The following LSM5 variants were observed in gnomAD, a reference collection of about 807,000 sequenced individuals.
The protein encoded by LSM5 is LSM5 homolog, U6 small nuclear RNA and mRNA degradation associated.
In LSM5, 8 loss-of-function variants were observed where a neutral mutation model predicts 13.8. The observed-to-expected ratio is 0.58, with a 90% CI of 0.34 to 1.04. LSM5 has a LOEUF of 1.04. Among genes scored for constraint, LSM5 ranks in the 50% least tolerant of loss-of-function variants. LSM5 has a pLI of 0.03. For missense variants in LSM5, 80 were observed against 108.1 expected, an observed-to-expected ratio of 0.74 and a Z score of 1.15; for synonymous variants, 35 against 37.0, an observed-to-expected ratio of 0.95 and a Z score of 0.20.
intron 1 of LSM5, chr7:32,490,017 C>T: frequency 1.5e-6 from 2 of 1,351,030 alleles, no homozygotes; most frequent in Non-Finnish European, 1.9e-6. Context: ...GAGAAGTAGG[C>T]CTACTACCTA....
At chr7:32,490,078 T>A in intron 1 of LSM5, 1 of 1,493,062 alleles carries the variant, frequency 6.7e-7, no homozygotes, top group Non-Finnish European at 9.0e-7. Context: ...ACGCGTTCAC[T>A]AAATGTGGAC....
At chr7:32,488,873 C>A (rs1017626428) in intron 2 of LSM5, among the ~76,000 whole-genome samples, 19 of 152,158 alleles carry the variant, frequency 1.2e-4, no homozygotes, top group Non-Finnish European at 2.5e-4. Flanking sequence ...CACAGGTGTA[C>A]ATCACCATGC....
rs553970200 is a variant in LSM5 at position 32,486,396 on chromosome 7, C to T, written c.*865G>A. ...ACTGAGAGTGGACTGAGAAAGTCTA[C>T]GAAGACATACAGCAAAGCATGATCA... is the stretch of plus-strand genomic sequence containing the variant. On this transcript the variant is annotated 3_prime_UTR_variant, in exon 5 of 5. Coordinates refer to ENST00000450169, the MANE Select transcript of LSM5 (RefSeq NM_012322.3). 2.0e-4 allele frequency: 31 copies of T among 152,222 alleles called. No individual in the cohort carries two copies. Among genetic ancestry groups the T allele is most frequent in the African/African-American group, 6.7e-4 (28 of 41,538 alleles). The allele number at this position is 152,222 out of a possible 1,614,324, so 9.4% of individuals were successfully genotyped here. A position where few individuals can be genotyped will look rare whatever the true frequency, so the allele number is the denominator to read the frequency against.
At chr7:32,488,008 C>A in intron 3 of LSM5, 1 of 420,378 alleles carries the variant, frequency 2.4e-6, no homozygotes, top group Non-Finnish European at 4.3e-6. Context: ...GAAGTGAAAG[C>A]TTGCCCAGGA....
chr7:32,491,027 G>A (rs1786571422), upstream of LSM5, among the ~76,000 whole-genome samples: 1 of 152,258 alleles, frequency 6.6e-6, no homozygotes, highest in Admixed American at 6.5e-5. Flanking sequence ...GTAAAATCAT[G>A]CTTTCCACTT....
chr7:32,490,504 A>C, upstream of LSM5: 3 of 674,508 alleles, frequency 4.4e-6, no homozygotes, highest in South Asian at 5.2e-5. Flanking sequence ...GGTCGCGTTC[A>C]CTGGCTTTTT....
upstream of LSM5, chr7:32,495,235 G>A (rs1239273530): frequency 1.9e-5 from 3 of 155,250 alleles, no homozygotes; most frequent in African/African-American, 4.8e-5. Flanking sequence ...CGCACCTCCA[G>A]GTCCCGCGGA....
intron 4 of LSM5, 60 bp from the exon 5 acceptor site, chr7:32,487,353 C>T (rs1457442814): frequency 4.1e-6 from 6 of 1,471,446 alleles, no homozygotes; most frequent in Non-Finnish European, 5.7e-6. Flanking sequence ...CTAAAAACCC[C>T]TTGCTCTTCA....
chr7:32,490,108 G>C (rs760847288), intron 1 of LSM5: 1 of 1,525,796 alleles, frequency 6.6e-7, no homozygotes, highest in South Asian at 1.2e-5. Flanking sequence ...TGAAGGTCTG[G>C]TTTGAGAAGT....
chr7:32,490,606 G>A, upstream of LSM5: 1 of 558,536 alleles, frequency 1.8e-6, no homozygotes, highest in East Asian at 3.1e-5. Context: ...AAGTTTTGGA[G>A]AGACGTTGAA....
At chr7:32,494,674 T>C (rs1225487297), upstream of LSM5, among the ~76,000 whole-genome samples, 4 of 152,202 alleles carry the variant, frequency 2.6e-5, no homozygotes, top group African/African-American at 9.6e-5. Flanking sequence ...TAAAAAAGAA[T>C]TGTAGTACAA....
upstream of LSM5, among the ~76,000 whole-genome samples, chr7:32,492,473 A>G (rs956675236): frequency 9.9e-4 from 151 of 152,160 alleles, 5 homozygotes; most frequent in Admixed American, 3.3e-4. Context: ...CAGTGAGCCA[A>G]TCGTGCCACT....
At chr7:32,489,755 G>C (rs572791695) in intron 1 of LSM5, among the ~76,000 whole-genome samples, 1 of 152,270 alleles carries the variant, frequency 6.6e-6, no homozygotes, top group East Asian at 1.9e-4. Flanking sequence ...ATGTCTACTT[G>C]TCCAGTGTTC....
upstream of LSM5, chr7:32,490,494 G>A: frequency 4.3e-6 from 3 of 701,904 alleles, no homozygotes; most frequent in East Asian, 2.7e-5. Context: ...CAGCTGCGTG[G>A]GTCGCGTTCA....
chr7:32,492,888 A>T (rs1305864198), upstream of LSM5, among the ~76,000 whole-genome samples: 1 of 152,250 alleles, frequency 6.6e-6, no homozygotes, highest in African/African-American at 2.4e-5. Flanking sequence ...ATGTTCAGAA[A>T]GGCATTTCTA....
Position 32,486,021 on chromosome 7 carries a change from G to A in LSM5, c.*1240C>T, listed in dbSNP as rs1009859279. The A allele has an allele frequency of 1.3e-5, 2 of 151,282 alleles. No homozygotes were observed. The highest frequency in any genetic ancestry group is 4.9e-5 in the African/African-American group (2 of 41,086). The allele number at this position is 151,282 out of a possible 1,614,324, so 9.4% of individuals were successfully genotyped here. On this transcript the variant is annotated 3_prime_UTR_variant, in exon 5 of 5. Transcript: ENST00000450169. ...TTTCTTGTAAAAATGGCAAAGAGGA[G>A]AGAAGGTAGAACACAGCTAATGCTG...
In LSM5 at chr7:32,490,103, G is replaced by A. The variant is rs1251441677; in HGVS notation, c.46+217C>T. 10 of 1,521,416 alleles carry A rather than the reference G, an allele frequency of 6.6e-6. No homozygotes were observed. In the South Asian group the frequency reaches 1.1e-4, roughly 16 times the overall value. 94.2% of individuals were successfully genotyped at this position (1,521,416 alleles called of 1,614,324 possible). Reference sequence around the variant, plus strand: ...TAAATGTGGACCTTTTCCAGTGAAGGTCTGGTTTGAGAAGTCAAAGTCCTT... The same window carrying A: ...TAAATGTGGACCTTTTCCAGTGAAGATCTGGTTTGAGAAGTCAAAGTCCTT... On this transcript the variant is annotated intron_variant, in intron 1 of 4. Coordinates refer to ENST00000450169, the MANE Select transcript of LSM5 (RefSeq NM_012322.3).
rs1019638867 is a variant in LSM5 at position 32,485,794 on chromosome 7, T to G, written c.*1467A>C. The stretch of plus-strand genomic sequence containing the variant: ...TTAGATGGGAGTGGTGGCGCCCACC[T>G]GTAATCCCAGCTACTCAGGAGGGTG... On this transcript the variant is annotated 3_prime_UTR_variant, in exon 5 of 5. Transcript: ENST00000450169. 8 of 151,892 alleles carry G rather than the reference T, an allele frequency of 5.3e-5. No homozygotes were observed. Among genetic ancestry groups the G allele is most frequent in the Admixed American group, 5.3e-4 (8 of 15,232 alleles). 9.4% of individuals were successfully genotyped at this position (151,892 alleles called of 1,614,324 possible).
At chr7:32,493,556 T>A (rs569509202), upstream of LSM5, among the ~76,000 whole-genome samples, 1 of 152,256 alleles carries the variant, frequency 6.6e-6, no homozygotes, top group South Asian at 2.1e-4. Context: ...CTTTATTTTT[T>A]TGAGATGGAG....
Sources: allele counts gnomAD v4.1 joint callset (sites outside exome capture counted in the v4.1 genomes callset), GRCh38; gene constraint gnomAD v4.1.1; transcripts MANE v1.5; gene names NCBI Gene and HGNC (gene_info 2026-07-23, HGNC 2026-07-21).